The following CDH20 variants were observed in gnomAD, a reference collection of about 807,000 sequenced individuals.
The protein encoded by CDH20 is cadherin 20, also known as cadherin-20.
A neutral mutation model predicts 74.2 loss-of-function variants in CDH20; 29 were observed. The ratio of observed to expected loss-of-function variants is 0.39; its 90% confidence interval spans 0.29 to 0.53. The LOEUF (loss-of-function observed/expected upper bound fraction) is 0.53. CDH20 is among the 20% of genes least tolerant of loss of function. The pLI, the probability that CDH20 is intolerant of heterozygous loss-of-function variation, is 0.69. For missense variants in CDH20, 988 were observed against 1,048.3 expected, an observed-to-expected ratio of 0.94 and a Z score of 0.79; for synonymous variants, 469 against 405.4, an observed-to-expected ratio of 1.16 and a Z score of -1.88.
intron 4 of CDH20, among the ~76,000 whole-genome samples, chr18:61,501,093 A>T (rs781589618): frequency 2.6e-4 from 40 of 152,214 alleles, no homozygotes; most frequent in Non-Finnish European, 4.6e-4. Flanking sequence ...ACAGGTTTTG[A>T]TGAGGGAGGA....
intron 1 of CDH20, among the ~76,000 whole-genome samples, chr18:61,390,830 T>C (rs75752231): frequency 0.051 from 7,768 of 152,242 alleles, 264 homozygotes; most frequent in South Asian, 0.08. Flanking sequence ...ATCCCTCCCT[T>C]ACTCCTCACA....
intron 7 of CDH20, among the ~76,000 whole-genome samples, chr18:61,533,789 GA>G (rs140225602): frequency 0.022 from 3,376 of 152,222 alleles, 124 homozygotes; most frequent in African/African-American, 0.077. Context: ...ATTTTAAGTT[GA>G]TTCTTGTATA....
chr18:61,441,423 G>A (rs1909028796), intron 1 of CDH20, among the ~76,000 whole-genome samples: 1 of 152,100 alleles, frequency 6.6e-6, no homozygotes. Flanking sequence ...AAAACATTCT[G>A]ATGAATCAAT....
intron 1 of CDH20, among the ~76,000 whole-genome samples, chr18:61,399,299 A>G (rs1440666043): frequency 6.6e-6 from 1 of 152,186 alleles, no homozygotes; most frequent in Non-Finnish European, 1.5e-5. Flanking sequence ...CATGTTCTAT[A>G]TTCCACTATT....
intron 8 of CDH20, among the ~76,000 whole-genome samples, chr18:61,538,374 G>A (rs926431685): frequency 7.2e-5 from 11 of 151,784 alleles, no homozygotes; most frequent in Admixed American, 5.3e-4. Context: ...TTTAAGATTC[G>A]TTTTTTGACA....
intron 1 of CDH20, among the ~76,000 whole-genome samples, chr18:61,414,448 T>A (rs1039841621): frequency 5.3e-5 from 8 of 152,170 alleles, no homozygotes; most frequent in African/African-American, 1.9e-4. Context: ...CACGTCATCA[T>A]TTTCTAGTTT....
At chr18:61,450,205 G>C (rs1374469269) in intron 1 of CDH20, among the ~76,000 whole-genome samples, 1 of 151,716 alleles carries the variant, frequency 6.6e-6, no homozygotes, top group Non-Finnish European at 1.5e-5. Context: ...ATCTCCCATA[G>C]GGAAACTAAA....
chr18:61,423,102 T>A (rs902477410), intron 1 of CDH20, among the ~76,000 whole-genome samples: 3 of 152,216 alleles, frequency 2.0e-5, no homozygotes, highest in Admixed American at 6.5e-5. Flanking sequence ...CAATGGCTGG[T>A]CCAATGCGAG....
At position 61,555,038 on chromosome 18, in the gene CDH20, G is replaced by T; in HGVS notation, c.*343G>T. 8.9e-7 allele frequency: 1 copy of T among 1,127,726 alleles called. No homozygotes were observed. Among genetic ancestry groups the T allele is most frequent in the Non-Finnish European group, 1.1e-6 (1 of 918,648 alleles). The allele number at this position is 1,127,726 out of a possible 1,614,324, so 69.9% of individuals were successfully genotyped here. Reference sequence around the variant, plus strand: ...TTTGTCACTTTTCCACCACAGAAAGGCTCTGGCCTTGGATACAGAGATGCC... The same window carrying T: ...TTTGTCACTTTTCCACCACAGAAAGTCTCTGGCCTTGGATACAGAGATGCC... On this transcript the variant is annotated 3_prime_UTR_variant, in exon 12 of 12. Coordinates refer to ENST00000262717, the MANE Select transcript of CDH20 (RefSeq NM_031891.4).
intron 1 of CDH20, among the ~76,000 whole-genome samples, chr18:61,346,605 CA>C (rs2144102364): frequency 6.6e-6 from 1 of 152,200 alleles, no homozygotes; most frequent in African/African-American, 2.4e-5. Context: ...ACAAGTTTGA[CA>C]CACGTTTCTC....
At chr18:61,462,552 T>G (rs1909818737) in intron 1 of CDH20, among the ~76,000 whole-genome samples, 2 of 152,170 alleles carry the variant, frequency 1.3e-5, no homozygotes, top group South Asian at 4.1e-4. Context: ...TAGCATTTTC[T>G]CAGTGATGGA....
Position 61,554,636 on chromosome 18 carries a change from C to A in CDH20, c.2347C>A (p.Arg783Ser). ...SFDFLTDWGP[R>S]FRKLAELYGA... ...CGACTTCCTGACGGACTGGGGGCCC[C>A]GCTTCCGGAAGCTGGCCGAGCTCTA... Residue 783 changes from arginine (R) to serine (S), a missense_variant, in exon 12 of 12, where the codon CGC (arginine) becomes AGC (serine). Coordinates refer to ENST00000262717, the MANE Select transcript of CDH20 (RefSeq NM_031891.4). 6.2e-7 allele frequency: 1 copy of A among 1,601,796 alleles called. No individual in the cohort carries two copies.
intron 1 of CDH20, among the ~76,000 whole-genome samples, chr18:61,449,402 C>G (rs1037073895): frequency 6.6e-6 from 1 of 152,050 alleles, no homozygotes; most frequent in East Asian, 1.9e-4. Flanking sequence ...TGTCACTCAG[C>G]CTTACCTTGC....
At chr18:61,462,747 T>C (rs1433351884) in intron 1 of CDH20, among the ~76,000 whole-genome samples, 1 of 145,236 alleles carries the variant, frequency 6.9e-6, no homozygotes, top group African/African-American at 2.5e-5. Context: ...ATCTAGGGCA[T>C]GTCAATGGTG....
chr18:61,441,211 C>T (rs928783345), intron 1 of CDH20, among the ~76,000 whole-genome samples: 1 of 152,104 alleles, frequency 6.6e-6, no homozygotes. Flanking sequence ...TCTTAAAATT[C>T]ACCACCTCAA....
intron 1 of CDH20, among the ~76,000 whole-genome samples, chr18:61,393,033 G>T (rs754230918): frequency 8.5e-5 from 13 of 152,142 alleles, no homozygotes; most frequent in Non-Finnish European, 1.3e-4. Flanking sequence ...CTTGAACCTA[G>T]TGGCCTTATT....
intron 1 of CDH20, among the ~76,000 whole-genome samples, chr18:61,445,776 C>G (rs1909180164): frequency 6.6e-6 from 1 of 152,170 alleles, no homozygotes; most frequent in African/African-American, 2.4e-5. Flanking sequence ...ATCTTTCTCA[C>G]AAATCTCCAC....
At chr18:61,379,657 A>G (rs1314453924) in intron 1 of CDH20, among the ~76,000 whole-genome samples, 1 of 152,180 alleles carries the variant, frequency 6.6e-6, no homozygotes, top group African/African-American at 2.4e-5. Flanking sequence ...AGCTAAGAAA[A>G]CATCAGAAAG....
intron 1 of CDH20, among the ~76,000 whole-genome samples, chr18:61,421,529 G>T (rs1367903891): frequency 6.6e-6 from 1 of 152,080 alleles, no homozygotes; most frequent in Non-Finnish European, 1.5e-5. Context: ...TCTATTCCTG[G>T]ATTTGTGGGT....
Sources: gnomAD v4.1 joint callset for allele counts (sites outside exome capture counted in the v4.1 genomes callset) on GRCh38, gnomAD v4.1.1 for gene constraint, MANE v1.5 for transcripts, NCBI Gene and HGNC (gene_info 2026-07-23, HGNC 2026-07-21) for gene names.